Variants in TLL2 observed in about 807,000 individuals in gnomAD.
The protein encoded by TLL2 is tolloid like 2, also known as tolloid-like protein 2.
Under a neutral mutation model 123.0 loss-of-function variants are expected in TLL2, and 106 were observed. That is an observed-to-expected ratio of 0.86 (90% CI 0.74 to 1.01). The LOEUF is 1.01. TLL2 is among the 50% of genes least tolerant of loss of function. TLL2 has a pLI of 0.00. For missense variants in TLL2, 1,332 were observed against 1,336.7 expected, an observed-to-expected ratio of 1.00 and a Z score of 0.06; for synonymous variants, 494 against 516.8, an observed-to-expected ratio of 0.96 and a Z score of 0.60.
At chr10:96,477,532 A>G (rs1025828295) in intron 2 of TLL2, among the ~76,000 whole-genome samples, 3 of 151,482 alleles carry the variant, frequency 2.0e-5, no homozygotes, top group Non-Finnish European at 4.4e-5. Flanking sequence ...TTAATCGTAA[A>G]CCCTCCCAGG....
intron 16 of TLL2, among the ~76,000 whole-genome samples, chr10:96,381,678 C>T (rs557342753): frequency 6.6e-6 from 1 of 152,362 alleles, no homozygotes; most frequent in East Asian, 1.9e-4. Context: ...GCCCACCCCA[C>T]AGTGCTCCAG....
Position 96,419,540 on chromosome 10 carries a change from G to A in TLL2, c.923+1416C>T, listed in dbSNP as rs75355617. Among the ~76,000 whole-genome samples, 794 of 151,920 alleles carry A rather than the reference G, an allele frequency of 5.2e-3. 9 individuals are homozygous for A. Among genetic ancestry groups the A allele is most frequent in the African/African-American group, 0.018 (741 of 41,226 alleles). On this transcript the variant is annotated intron_variant, in intron 7 of 20. Transcript: ENST00000357947. ...AAAAGAGCCAGGAGAAGGTCAAAGA[G>A]GCCAGGAAGGCTCAATTTCACGCTA...
intron 7 of TLL2, among the ~76,000 whole-genome samples, chr10:96,416,755 T>G (rs117344354): frequency 0.01 from 1,561 of 152,380 alleles, 8 homozygotes; most frequent in Non-Finnish European, 0.017. Flanking sequence ...AGCTTCCAGC[T>G]GTTTACTACA....
At chr10:96,378,310 T>A (rs1286799942) in intron 17 of TLL2, among the ~76,000 whole-genome samples, 1 of 152,228 alleles carries the variant, frequency 6.6e-6, no homozygotes, top group Non-Finnish European at 1.5e-5. Flanking sequence ...GTGTTTGTCA[T>A]AAATGTTCGA....
In TLL2 at chr10:96,395,450, A is replaced by G. The variant is rs896237054; in HGVS notation, c.1531-68T>C. The G allele has an allele frequency of 3.4e-6, 5 of 1,461,056 alleles. No homozygotes were observed. The African/African-American group carries it at 4.2e-5, about 12-fold the overall frequency. The allele number at this position is 1,461,056 out of a possible 1,614,324, so 90.5% of individuals were successfully genotyped here. On this transcript the variant is annotated intron_variant, in intron 12 of 20. Coordinates refer to ENST00000357947, the MANE Select transcript of TLL2 (RefSeq NM_012465.4). ...GCTTTAAGGTTTTTGATTTAAGAAG[A>G]GAACCCAAATATCACTCTCAAAATC...
intron 5 of TLL2, among the ~76,000 whole-genome samples, 171 bp from the exon 6 acceptor site, chr10:96,422,898 T>C (rs375614794): frequency 6.6e-6 from 1 of 151,978 alleles, no homozygotes; most frequent in South Asian, 2.1e-4. Context: ...GAGGCCGAGG[T>C]GGGCGGATCA....
intron 3 of TLL2, among the ~76,000 whole-genome samples, chr10:96,445,058 G>A (rs968925255): frequency 1.3e-5 from 2 of 152,080 alleles, no homozygotes; most frequent in African/African-American, 4.8e-5. Flanking sequence ...GCACGGTGGC[G>A]GGCGCCTGTA....
intron 9 of TLL2, among the ~76,000 whole-genome samples, chr10:96,405,649 G>C (rs942108182): frequency 6.6e-6 from 1 of 152,126 alleles, no homozygotes; most frequent in Non-Finnish European, 1.5e-5. Flanking sequence ...GCATGGAGAC[G>C]GAGGATTTGG....
intron 2 of TLL2, among the ~76,000 whole-genome samples, chr10:96,465,457 T>C (rs1200202960): frequency 6.6e-6 from 1 of 152,186 alleles, no homozygotes; most frequent in Non-Finnish European, 1.5e-5. Flanking sequence ...TGTCCCATCC[T>C]ACCCCAGTCC....
At chr10:96,491,527 C>T (rs1202069566) in intron 1 of TLL2, among the ~76,000 whole-genome samples, 2 of 152,158 alleles carry the variant, frequency 1.3e-5, no homozygotes, top group African/African-American at 4.8e-5. Flanking sequence ...CCTTATGAAG[C>T]TCTGGCTAGT....
chr10:96,403,841 C>T (rs919415570), intron 10 of TLL2, among the ~76,000 whole-genome samples: 1 of 152,176 alleles, frequency 6.6e-6, no homozygotes, highest in Non-Finnish European at 1.5e-5. Context: ...AGGAGAAAAA[C>T]TGCCCTGTGG....
rs138026221 is a variant in TLL2, at chr10:96,454,011, G to GCACACA, written c.287-7849_287-7844dup. On this transcript the variant is annotated intron_variant, in intron 2 of 20. Coordinates refer to ENST00000357947, the MANE Select transcript of TLL2 (RefSeq NM_012465.4). Reference sequence around the variant, plus strand: ...TGCCTGCATTTTGTAGTGTGCGCCTGCACACACACACACACACACACACAC... The same window carrying GCACACA: ...TGCCTGCATTTTGTAGTGTGCGCCTGCACACACACACACACACACACACACACACAC... Among the ~76,000 whole-genome samples, 831 of 150,018 alleles carry GCACACA rather than the reference G, an allele frequency of 5.5e-3. 9 individuals carry two copies. The highest frequency in any genetic ancestry group is 0.011 in the East Asian group (55 of 5,090).
At chr10:96,392,514 T>C (rs1479152859) in intron 13 of TLL2, among the ~76,000 whole-genome samples, 1 of 152,000 alleles carries the variant, frequency 6.6e-6, no homozygotes, top group Non-Finnish European at 1.5e-5. Context: ...ACTCTCAAAA[T>C]TGTGCATTGC....
chr10:96,503,528 A>G (rs1847553146), intron 1 of TLL2, among the ~76,000 whole-genome samples: 1 of 152,202 alleles, frequency 6.6e-6, no homozygotes, highest in Non-Finnish European at 1.5e-5. Context: ...TCTCTACAAC[A>G]GGATGCTCAC....
intron 2 of TLL2, among the ~76,000 whole-genome samples, chr10:96,474,274 C>T (rs1447469695): frequency 6.6e-6 from 1 of 152,106 alleles, no homozygotes; most frequent in African/African-American, 2.4e-5. Flanking sequence ...AGGGAATGGG[C>T]CCATCGGAGA....
rs184193542 is a variant in TLL2, at chr10:96,429,493, G to A, written c.521-745C>T. Reference sequence around the variant, plus strand: ...CTAGAGAGTAGGAGTTTGTGGATTGGAAGGGAGGGTAAAAATAGATTTTCA... The same window carrying A: ...CTAGAGAGTAGGAGTTTGTGGATTGAAAGGGAGGGTAAAAATAGATTTTCA... On this transcript the variant is annotated intron_variant, in intron 4 of 20. Transcript: ENST00000357947. Among the ~76,000 whole-genome samples the A allele has an allele frequency of 2.0e-5, 3 of 152,312 alleles. No homozygotes were observed. In the East Asian group the frequency reaches 5.8e-4, roughly 29 times the overall value.
intron 15 of TLL2, among the ~76,000 whole-genome samples, chr10:96,384,990 G>T (rs1846220258): frequency 6.6e-6 from 1 of 152,368 alleles, no homozygotes; most frequent in South Asian, 2.1e-4. Context: ...CCTGGCACAA[G>T]AGCACAGGGC....
At chr10:96,500,533 C>A (rs1047006819) in intron 1 of TLL2, among the ~76,000 whole-genome samples, 7 of 152,186 alleles carry the variant, frequency 4.6e-5, no homozygotes, top group African/African-American at 1.7e-4. Flanking sequence ...GAGGTTCATG[C>A]CTGTAATCCC....
intron 18 of TLL2, chr10:96,375,363 G>T (rs780875821): frequency 6.6e-6 from 1 of 152,208 alleles, no homozygotes; most frequent in East Asian, 1.9e-4. Context: ...GTTTCCCAAG[G>T]GAACGCCTTT....
Sources: gnomAD v4.1 joint callset for allele counts (sites outside exome capture counted in the v4.1 genomes callset) on GRCh38, gnomAD v4.1.1 for gene constraint, MANE v1.5 for transcripts, NCBI Gene and HGNC (gene_info 2026-07-23, HGNC 2026-07-21) for gene names.